The following ALDH1A3 variants were observed in gnomAD, a reference collection of about 807,000 sequenced individuals.
ALDH1A3 encodes the protein aldehyde dehydrogenase 1 family member A3.
In ALDH1A3, 28 loss-of-function variants were observed where a neutral mutation model predicts 57.5. The observed-to-expected ratio is 0.49, with a 90% CI of 0.36 to 0.67. The LOEUF is 0.67. Among genes scored for constraint, ALDH1A3 ranks in the 30% least tolerant of loss-of-function variants. The pLI, the probability that ALDH1A3 is intolerant of heterozygous loss-of-function variation, is 0.00. For synonymous variants in ALDH1A3, 281 were observed against 264.8 expected, an observed-to-expected ratio of 1.06 and a Z score of -0.59; for missense variants, 507 against 669.4, an observed-to-expected ratio of 0.76 and a Z score of 2.68.
In ALDH1A3 at chr15:100,893,087, G is replaced by T. The variant is rs577964072; in HGVS notation, c.537+81G>T. On this transcript the variant is annotated intron_variant, in intron 5 of 12. Transcript: ENST00000329841. The surrounding 1 kb of genome is among the most constrained non-coding windows in gnomAD (Gnocchi z 4.8). ...GTGTCCTTTGGAATCAATTTCTGGT[G>T]TGTTTTTATCTGATTGCACCAGCGT... 6.7e-6 allele frequency: 9 copies of T among 1,347,016 alleles called. No individual in the cohort carries two copies. In the African/African-American group the frequency reaches 1.3e-4, roughly 20 times the overall value. The allele number at this position is 1,347,016 out of a possible 1,614,324, so 83.4% of individuals were successfully genotyped here.
rs1366416930 is a variant in ALDH1A3, at chr15:100,912,930, G to A, written c.1467-1771G>A. Among the ~76,000 whole-genome samples the A allele has an allele frequency of 3.0e-4, 9 of 29,696 alleles. 4 individuals are homozygous for A. The East Asian group carries it at 0.011, about 37-fold the overall frequency. 19.5% of individuals were successfully genotyped at this position (29,696 alleles called of 152,430 possible). ...TCCCAGCACTTTGGGAGGCCGAGGC[G>A]GGCGGATCACGAGGTCAGGAGATCG... On this transcript the variant is annotated intron_variant, in intron 12 of 12. Transcript: ENST00000329841.
Position 100,908,426 on chromosome 15 carries a change from C to T in ALDH1A3, c.1410C>T (p.Ala470=). ...SGTVWINCYN[A]LYAQAPFGGF... ...TTTCTAGGATCAACTGCTACAACGC[C>T]CTCTATGCACAGGCTCCATTTGGTG... The change falls in exon 12 of 13, where the codon GCC becomes GCT. Residue 470 remains alanine, a synonymous_variant. Transcript: ENST00000329841. The T allele has an allele frequency of 6.2e-7, 1 of 1,613,986 alleles. No individual in the cohort carries two copies.
At position 100,893,175 on chromosome 15, in the gene ALDH1A3, C is replaced by A; in HGVS notation, c.537+169C>A. ...TTGGGGGCTCTTGAGATGGATTAGA[C>A]CCCATTTCTGCTCTCCTAAGACCGG... On this transcript the variant is annotated intron_variant, in intron 5 of 12. Coordinates refer to ENST00000329841, the MANE Select transcript of ALDH1A3 (RefSeq NM_000693.4). The surrounding 1 kb of genome is among the most constrained non-coding windows in gnomAD (Gnocchi z 4.8). 1 of 568,658 alleles carries A rather than the reference C, an allele frequency of 1.8e-6. No homozygotes were observed. 35.2% of individuals were successfully genotyped at this position (568,658 alleles called of 1,614,324 possible).
chr15:100,898,446 G>A (rs2041733064), intron 8 of ALDH1A3, among the ~76,000 whole-genome samples: 1 of 152,250 alleles, frequency 6.6e-6, no homozygotes, highest in East Asian at 1.9e-4. Context: ...GAGGCTGCCT[G>A]TTTCTGCGCC....
rs775523430 is a variant in ALDH1A3, at chr15:100,885,291, G to A, written c.124G>A (p.Glu42Lys). ...TKIFINNEWH[E>K]SKSGKKFATC... ...GATATTTATCAACAATGAATGGCAC[G>A]AATCCAAGAGTGGGAAAAAGTTTGC... Residue 42 changes from glutamate (E) to lysine (K), a missense_variant, in exon 2 of 13, where the codon GAA (glutamate) becomes AAA (lysine). Glu to Lys is a moderately conservative substitution (Grantham distance 56). Coordinates refer to ENST00000329841, the MANE Select transcript of ALDH1A3 (RefSeq NM_000693.4). 8.1e-6 allele frequency: 13 copies of A among 1,613,478 alleles called. 1 individual carries two copies. Among genetic ancestry groups the A allele is most frequent in the South Asian group, 7.7e-5 (7 of 91,068 alleles).
At chr15:100,881,861 G>T (rs1245195390) in intron 1 of ALDH1A3, among the ~76,000 whole-genome samples, 2 of 152,194 alleles carry the variant, frequency 1.3e-5, no homozygotes, top group African/African-American at 4.8e-5. Flanking sequence ...GCCCATCTCT[G>T]CAGAGACCTC....
chr15:100,882,630 C>T (rs4646650), intron 1 of ALDH1A3, among the ~76,000 whole-genome samples: 24,000 of 152,234 alleles, frequency 0.16, 2,422 homozygotes, highest in East Asian at 0.47. Context: ...CTTACAGCTC[C>T]GTCCTGCTTC....
intron 9 of ALDH1A3, among the ~76,000 whole-genome samples, chr15:100,902,070 C>T (rs955346864): frequency 6.6e-6 from 1 of 152,218 alleles, no homozygotes; most frequent in Non-Finnish European, 1.5e-5. Flanking sequence ...TTATTGAATC[C>T]GCCGTGAGTT....
At chr15:100,890,665 C>A (rs2041639840) in intron 3 of ALDH1A3, among the ~76,000 whole-genome samples, 1 of 152,178 alleles carries the variant, frequency 6.6e-6, no homozygotes. Flanking sequence ...GGTCACCCAG[C>A]CAGAGGTGGT....
At position 100,892,487 on chromosome 15, in the gene ALDH1A3, C is replaced by G. The variant is rs745902602; in HGVS notation, c.346-23C>G. The G allele has an allele frequency of 8.7e-6, 14 of 1,608,038 alleles. No individual in the cohort carries two copies. In the Admixed American group the frequency reaches 1.2e-4, roughly 14 times the overall value. On this transcript the variant is annotated intron_variant, in intron 3 of 12. Transcript: ENST00000329841. The stretch of plus-strand genomic sequence containing the variant: ...AAAGAAAAGCAAGCTATGTCCGAAA[C>G]AGACATCATCTTGTTATTGCAGGCC...
At chr15:100,885,435 C>A in intron 2 of ALDH1A3, 64 bp downstream of exon 2, 1 of 1,281,992 alleles carries the variant, frequency 7.8e-7, no homozygotes, top group Non-Finnish European at 1.1e-6. Context: ...GATAAGGAAA[C>A]GGTTCGGCTT....
At chr15:100,904,889 G>T (rs2041807474) in intron 9 of ALDH1A3, among the ~76,000 whole-genome samples, 1 of 152,158 alleles carries the variant, frequency 6.6e-6, no homozygotes, top group African/African-American at 2.4e-5. Context: ...TGTCCCCAGG[G>T]GTGTTGAGTA....
In ALDH1A3 at chr15:100,899,990, C is replaced by G. The variant is rs140953728; in HGVS notation, c.884-585C>G. 7.8e-3 allele frequency among the ~76,000 whole-genome samples: 1,182 copies of G among 152,324 alleles called. 23 individuals carry two copies. Among genetic ancestry groups the G allele is most frequent in the African/African-American group, 0.027 (1,125 of 41,564 alleles). On this transcript the variant is annotated intron_variant, in intron 8 of 12. Coordinates refer to ENST00000329841, the MANE Select transcript of ALDH1A3 (RefSeq NM_000693.4). ...TGTAGATGTAAATGACATCCCAATACCATTCTTATCCACTAAGCGTGTCCC... is the reference window on the plus strand; with the variant it reads ...TGTAGATGTAAATGACATCCCAATAGCATTCTTATCCACTAAGCGTGTCCC...
chr15:100,883,076 G>A lies in ALDH1A3; in HGVS notation c.100-2191G>A, dbSNP rs548126676. On this transcript the variant is annotated intron_variant, in intron 1 of 12. Transcript: ENST00000329841. ...TTGGAGGAGCATGCTTGGAGATGAA[G>A]TATAGCAGTATAGCAGACATCCGAT... 2.6e-5 allele frequency among the ~76,000 whole-genome samples: 4 copies of A among 152,262 alleles called. No homozygotes were observed. The East Asian group carries it at 5.8e-4, about 22-fold the overall frequency.
At chr15:100,895,684 T>TC (rs561803015) in intron 6 of ALDH1A3, 167 of 543,928 alleles carry the variant, frequency 3.1e-4, no homozygotes, top group East Asian at 1.9e-3. Context: ...TGGGATGGGG[T>TC]CCCCCCCCAG....
chr15:100,906,020 C>T lies in ALDH1A3; in HGVS notation c.1233+333C>T, dbSNP rs2041819408. On this transcript the variant is annotated intron_variant, in intron 10 of 12. Coordinates refer to ENST00000329841, the MANE Select transcript of ALDH1A3 (RefSeq NM_000693.4). The surrounding 1 kb of genome is among the most constrained non-coding windows in gnomAD (Gnocchi z 4.8). Reference sequence around the variant, plus strand: ...CCGGTCCCCGAGTCAGTCATGCAGCCGCAGGTGGAGAACTGTTGCCACCTG... The same window carrying T: ...CCGGTCCCCGAGTCAGTCATGCAGCTGCAGGTGGAGAACTGTTGCCACCTG... 6.6e-6 allele frequency among the ~76,000 whole-genome samples: 1 copy of T among 152,108 alleles called. No individual in the cohort carries two copies. Among genetic ancestry groups the T allele is most frequent in the Admixed American group, 6.5e-5 (1 of 15,274 alleles).
intron 8 of ALDH1A3, among the ~76,000 whole-genome samples, chr15:100,898,578 CA>C (rs148349524): frequency 0.011 from 1,697 of 152,324 alleles, 36 homozygotes; most frequent in East Asian, 0.027. Context: ...CCCAGTCATT[CA>C]TTCTCCCCTC....
At position 100,893,335 on chromosome 15, in the gene ALDH1A3, AAGG is replaced by A. The variant is rs1348053800; in HGVS notation, c.537+332_537+334del. 3 of 236,882 alleles carry A rather than the reference AAGG, an allele frequency of 1.3e-5. No individual in the cohort carries two copies. The highest frequency in any genetic ancestry group is 2.4e-5 in the Non-Finnish European group (3 of 122,588). The allele number at this position is 236,882 out of a possible 1,614,324, so 14.7% of individuals were successfully genotyped here. On this transcript the variant is annotated intron_variant, in intron 5 of 12. Transcript: ENST00000329841. The surrounding 1 kb of genome is among the most constrained non-coding windows in gnomAD (Gnocchi z 4.8). ...TGTTCAACAAGGAAAAGGATTTTCC[AAGG>A]AGTGGGAATGGCCTAGGCAAAAGTG...
chr15:100,906,226 C>T lies in ALDH1A3; in HGVS notation c.1233+539C>T, dbSNP rs1221598826. On this transcript the variant is annotated intron_variant, in intron 10 of 12. Coordinates refer to ENST00000329841, the MANE Select transcript of ALDH1A3 (RefSeq NM_000693.4). The surrounding 1 kb of genome is among the most constrained non-coding windows in gnomAD (Gnocchi z 4.8). ...GAAATTAAGGAGACTCCCCCACTCC[C>T]ATAAGAGTGTAAATCTTTCTCTTTC... 6.6e-6 allele frequency among the ~76,000 whole-genome samples: 1 copy of T among 152,228 alleles called. No individual in the cohort carries two copies. Among genetic ancestry groups the T allele is most frequent in the Non-Finnish European group, 1.5e-5 (1 of 68,036 alleles).
Sources: allele counts gnomAD v4.1 joint callset (sites outside exome capture counted in the v4.1 genomes callset), GRCh38; gene constraint gnomAD v4.1.1; non-coding constraint Gnocchi (gnomAD v3.1); transcripts MANE v1.5; gene names NCBI Gene and HGNC (gene_info 2026-07-23, HGNC 2026-07-21).